The following FOCAD variants were observed in gnomAD, a reference collection of about 807,000 sequenced individuals.
The protein encoded by FOCAD is focadhesin.
FOCAD carries 198 observed loss-of-function variants against 225.6 expected under a neutral mutation model. The observed-to-expected ratio is 0.88, with a 90% CI of 0.78 to 0.99. The LOEUF (loss-of-function observed/expected upper bound fraction) is 0.99, where lower values mean the gene tolerates loss of function less well. Among genes scored for constraint, FOCAD ranks in the 50% least tolerant of loss-of-function variants. FOCAD has a pLI of 0.00. For missense variants in FOCAD, 2,713 were observed against 2,123.6 expected (o/e 1.28, Z -5.46); for synonymous variants, 897 against 755.0 (o/e 1.19, Z -3.08).
At chr9:20,773,166 T>C (rs528328248) in intron 8 of FOCAD, among the ~76,000 whole-genome samples, 1 of 152,338 alleles carries the variant, frequency 6.6e-6, no homozygotes, top group African/African-American at 2.4e-5. Context: ...TTTAGTCCTT[T>C]TTAGTATAAT....
At chr9:20,923,427 T>A (rs1433861623) in intron 24 of FOCAD, among the ~76,000 whole-genome samples, 1 of 152,162 alleles carries the variant, frequency 6.6e-6, no homozygotes, top group Non-Finnish European at 1.5e-5. Flanking sequence ...TTTTAAGTTA[T>A]GAAAAGGCAT....
chr9:20,896,353 T>C (rs1449035938), intron 21 of FOCAD, among the ~76,000 whole-genome samples: 2 of 151,934 alleles, frequency 1.3e-5, no homozygotes, highest in Non-Finnish European at 2.9e-5. Context: ...AGTTTTAATT[T>C]TAGGGTAATG....
At chr9:20,872,932 T>A (rs998834235) in intron 18 of FOCAD, 3 of 152,196 alleles carry the variant, frequency 2.0e-5, no homozygotes, top group Admixed American at 1.3e-4. Flanking sequence ...TCTTTTGTGA[T>A]GGGCTTTCTT....
rs1842012525 is a variant in FOCAD, at chr9:20,995,732, CAG to C, written c.*108_*109del. On this transcript the variant is annotated 3_prime_UTR_variant, in exon 44 of 44. Coordinates refer to ENST00000338382, the MANE Select transcript of FOCAD (RefSeq NM_001375567.1). ...TGCCTGGTATTGCTGAGACATGATG[CAG>C]AGAGTTAAGGGTCATGAAAAGATGG... 2 of 1,037,134 alleles carry C rather than the reference CAG, an allele frequency of 1.9e-6. No homozygotes were observed. The highest frequency in any genetic ancestry group is 1.6e-5 in the African/African-American group (1 of 63,528). 64.2% of individuals were successfully genotyped at this position (1,037,134 alleles called of 1,614,324 possible).
intron 5 of FOCAD, among the ~76,000 whole-genome samples, chr9:20,740,822 A>C (rs183268224): frequency 6.6e-6 from 1 of 152,314 alleles, no homozygotes; most frequent in East Asian, 1.9e-4. Context: ...GAATGTAATA[A>C]GGTAGAATTG....
At chr9:20,662,657 A>C (rs1821764752) in intron 2 of FOCAD, among the ~76,000 whole-genome samples, 1 of 151,498 alleles carries the variant, frequency 6.6e-6, no homozygotes, top group East Asian at 1.9e-4. Flanking sequence ...TGGGGGTCTC[A>C]TTATATTGCC....
intron 32 of FOCAD, among the ~76,000 whole-genome samples, chr9:20,949,161 T>A (rs1203330786): frequency 6.6e-6 from 1 of 152,174 alleles, no homozygotes; most frequent in Non-Finnish European, 1.5e-5. Context: ...CCTGGCCAAC[T>A]TAGGTGCTCT....
chr9:20,724,564 A>C (rs1826043153), intron 4 of FOCAD, among the ~76,000 whole-genome samples: 1 of 152,200 alleles, frequency 6.6e-6, no homozygotes, highest in Admixed American at 6.5e-5. Flanking sequence ...TTTTTGAATC[A>C]ATTTGATCAT....
rs375870460 is a variant in FOCAD, at chr9:20,993,677, A to C, written c.5332+349A>C. Among the ~76,000 whole-genome samples, 18 of 152,260 alleles carry C rather than the reference A, an allele frequency of 1.2e-4. 1 individual carries two copies. The highest frequency in any genetic ancestry group is 4.3e-4 in the African/African-American group (18 of 41,554). The stretch of plus-strand genomic sequence containing the variant: ...TGTGGAATTTTCTACTTGTGTTGTC[A>C]TATTGAGGCTCAAAAAGTTTCAGAT... On this transcript the variant is annotated intron_variant, in intron 43 of 43. Coordinates refer to ENST00000338382, the MANE Select transcript of FOCAD (RefSeq NM_001375567.1).
At chr9:20,881,106 T>C (rs1460126721) in intron 19 of FOCAD, among the ~76,000 whole-genome samples, 1 of 152,216 alleles carries the variant, frequency 6.6e-6, no homozygotes, top group Non-Finnish European at 1.5e-5. Flanking sequence ...ATAATTGTCC[T>C]AATATTGCTA....
rs534229004 is a variant in FOCAD, at chr9:20,981,330, C to T, written c.4378-96C>T. ...GAAGTAACCTGAACCTTTTATCTCTCAGTCTACCCTCAAACACAGTGATGA... is the reference window on the plus strand; with the variant it reads ...GAAGTAACCTGAACCTTTTATCTCTTAGTCTACCCTCAAACACAGTGATGA... On this transcript the variant is annotated intron_variant, in intron 37 of 43. Coordinates refer to ENST00000338382, the MANE Select transcript of FOCAD (RefSeq NM_001375567.1). The T allele has an allele frequency of 5.8e-6, 8 of 1,372,706 alleles. No homozygotes were observed. The African/African-American group carries it at 1.0e-4, about 17-fold the overall frequency. The allele number at this position is 1,372,706 out of a possible 1,614,324, so 85.0% of individuals were successfully genotyped here.
At chr9:20,838,546 A>C (rs917154614) in intron 15 of FOCAD, among the ~76,000 whole-genome samples, 5 of 152,056 alleles carry the variant, frequency 3.3e-5, no homozygotes, top group Non-Finnish European at 7.4e-5. Flanking sequence ...GATGTCATTG[A>C]CCTTATTTCA....
intron 8 of FOCAD, among the ~76,000 whole-genome samples, 167 bp from the exon 9 acceptor site, chr9:20,778,514 C>G (rs1382384016): frequency 6.6e-6 from 1 of 152,152 alleles, no homozygotes; most frequent in East Asian, 1.9e-4. Flanking sequence ...GCTGCCACGC[C>G]CGGCCGACCA....
At chr9:20,927,109 T>A (rs1408325748) in intron 26 of FOCAD, among the ~76,000 whole-genome samples, 2 of 152,034 alleles carry the variant, frequency 1.3e-5, no homozygotes, top group Non-Finnish European at 2.9e-5. Context: ...CATCAGTATT[T>A]TGAGAGCTCT....
At chr9:20,701,107 A>T (rs1464619672) in intron 1 of FOCAD, among the ~76,000 whole-genome samples, 3 of 152,190 alleles carry the variant, frequency 2.0e-5, no homozygotes, top group Non-Finnish European at 1.5e-5. Context: ...GACATTAGAG[A>T]CTGATCTTAG....
At position 20,988,479 on chromosome 9, in the gene FOCAD, A is replaced by G. The variant is rs760724560; in HGVS notation, c.5004+50A>G. 8 of 931,224 alleles carry G rather than the reference A, an allele frequency of 8.6e-6. No individual in the cohort carries two copies. The Admixed American group carries it at 1.6e-4, about 19-fold the overall frequency. 57.7% of individuals were successfully genotyped at this position (931,224 alleles called of 1,614,324 possible). ...AGCTTCCTTAAAATACAGAACTTAT[A>G]TTAGGTTGGTGCAAAAGTAATTGCG... is the stretch of plus-strand genomic sequence containing the variant. On this transcript the variant is annotated intron_variant, in intron 41 of 43. Coordinates refer to ENST00000338382, the MANE Select transcript of FOCAD (RefSeq NM_001375567.1).
chr9:20,664,149 A>C (rs1246044540), intron 2 of FOCAD, among the ~76,000 whole-genome samples: 1 of 151,888 alleles, frequency 6.6e-6, no homozygotes, highest in African/African-American at 2.4e-5. Context: ...TAATTTTAAA[A>C]GTTCTATATT....
At chr9:20,919,140 A>C (rs1834142002) in intron 24 of FOCAD, among the ~76,000 whole-genome samples, 1 of 152,352 alleles carries the variant, frequency 6.6e-6, no homozygotes, top group South Asian at 2.1e-4. Flanking sequence ...ATCAATGTGC[A>C]AAAATCGCAA....
intron 28 of FOCAD, among the ~76,000 whole-genome samples, chr9:20,935,698 C>T (rs1479297655): frequency 6.6e-6 from 1 of 152,138 alleles, no homozygotes; most frequent in Non-Finnish European, 1.5e-5. Context: ...CCTGCCCAGC[C>T]GACTTAATCT....
Sources: allele counts gnomAD v4.1 joint callset (sites outside exome capture counted in the v4.1 genomes callset), GRCh38; gene constraint gnomAD v4.1.1; transcripts MANE v1.5; gene names NCBI Gene and HGNC (gene_info 2026-07-23, HGNC 2026-07-21).